Variants in WDR49 observed in about 807,000 individuals in gnomAD.
The protein encoded by WDR49 is cilia- and flagella-associated protein 337.
A neutral mutation model predicts 119.5 loss-of-function variants in WDR49; 107 were observed. The observed-to-expected ratio is 0.90, with a 90% confidence interval of 0.77 to 1.05. WDR49 has a LOEUF of 1.05. Ranked by LOEUF, WDR49 falls within the 50% of genes least tolerant of loss-of-function variation. The pLI, the probability that WDR49 is intolerant of heterozygous loss-of-function variation, is 0.00. For synonymous variants in WDR49, 425 were observed against 418.8 expected, an observed-to-expected ratio of 1.01 and a Z score of -0.18; for missense variants, 1,240 against 1,220.5, an observed-to-expected ratio of 1.02 and a Z score of -0.24.
At chr3:167,542,108 C>T (rs142140751) in intron 10 of WDR49, among the ~76,000 whole-genome samples, 33 of 151,824 alleles carry the variant, frequency 2.2e-4, no homozygotes, top group African/African-American at 4.6e-4. Context: ...AATACATATG[C>T]GCCCAACATG....
chr3:167,535,373 T>C (rs907483605), intron 11 of WDR49, among the ~76,000 whole-genome samples: 1 of 152,066 alleles, frequency 6.6e-6, no homozygotes. Context: ...ATCCAAAATA[T>C]ATAACAAAAT....
At chr3:167,536,769 AT>A (rs1447944652) in intron 11 of WDR49, 100 bp downstream of exon 11, 9 of 678,870 alleles carry the variant, frequency 1.3e-5, no homozygotes, top group Middle Eastern at 5.5e-4. Flanking sequence ...ATATATATAT[AT>A]AAAACAACTG....
At chr3:167,527,717 ACT>A in intron 15 of WDR49, 101 bp downstream of exon 15, 3 of 1,190,532 alleles carry the variant, frequency 2.5e-6, no homozygotes, top group Non-Finnish European at 3.5e-6. Flanking sequence ...TTCTTTCATG[ACT>A]AATGAACATT....
chr3:167,484,145 A>C (rs1750830286), intron 18 of WDR49, among the ~76,000 whole-genome samples: 1 of 152,180 alleles, frequency 6.6e-6, no homozygotes, highest in African/African-American at 2.4e-5. Flanking sequence ...ACAGTTATGA[A>C]GTCAAATATT....
intron 2 of WDR49, among the ~76,000 whole-genome samples, chr3:167,627,709 T>C (rs192870165): frequency 1.3e-5 from 2 of 152,158 alleles, no homozygotes; most frequent in East Asian, 3.9e-4. Flanking sequence ...TAAAACCCAT[T>C]TGGGGCTTCT....
intron 2 of WDR49, among the ~76,000 whole-genome samples, chr3:167,638,653 C>T (rs1445660533): frequency 1.3e-5 from 2 of 151,528 alleles, no homozygotes; most frequent in Admixed American, 1.3e-4. Context: ...TACTAATGAA[C>T]ATTTATGAGA....
At chr3:167,563,352 T>TGA in intron 8 of WDR49, among the ~76,000 whole-genome samples, 1 of 30,326 alleles carries the variant, frequency 3.3e-5, no homozygotes, top group Non-Finnish European at 6.8e-5. Context: ...AGATTCTGAA[T>TGA]CAAAAAAAAA....
chr3:167,518,520 C>T (rs935626229), intron 16 of WDR49, among the ~76,000 whole-genome samples: 3 of 151,964 alleles, frequency 2.0e-5, no homozygotes, highest in Non-Finnish European at 4.4e-5. Flanking sequence ...CTTTTGGCTG[C>T]ATAAATGTCT....
At chr3:167,563,458 A>G (rs1234717926) in intron 8 of WDR49, among the ~76,000 whole-genome samples, 2 of 151,900 alleles carry the variant, frequency 1.3e-5, no homozygotes, top group African/African-American at 4.8e-5. Flanking sequence ...AGGAAGTTGG[A>G]TTACATTCAT....
chr3:167,545,209 T>C (rs1456096022), intron 10 of WDR49, among the ~76,000 whole-genome samples: 1 of 151,568 alleles, frequency 6.6e-6, no homozygotes, highest in African/African-American at 2.4e-5. Flanking sequence ...CATGTTGGCA[T>C]GGACGTGGTG....
intron 16 of WDR49, among the ~76,000 whole-genome samples, chr3:167,511,118 T>C (rs1269647442): frequency 6.6e-6 from 1 of 152,194 alleles, no homozygotes; most frequent in Non-Finnish European, 1.5e-5. Flanking sequence ...TTATTGTGTT[T>C]GTATAATTTC....
In WDR49 at chr3:167,610,025, T is replaced by C. The variant is rs191116799; in HGVS notation, c.959-5557A>G. Reference sequence around the variant, plus strand: ...TGCTAACTGAAGAGCCCTTGTGCCCTGATGCAATATCCAGGTATTATATCA... The same window carrying C: ...TGCTAACTGAAGAGCCCTTGTGCCCCGATGCAATATCCAGGTATTATATCA... On this transcript the variant is annotated intron_variant, in intron 5 of 18. Coordinates refer to ENST00000682715, the MANE Select transcript of WDR49 (RefSeq NM_001366157.1). Among the ~76,000 whole-genome samples the C allele has an allele frequency of 3.3e-3, 505 of 152,332 alleles. 4 individuals are homozygous for C. The highest frequency in any genetic ancestry group is 0.011 in the African/African-American group (475 of 41,574).
intron 7 of WDR49, among the ~76,000 whole-genome samples, chr3:167,592,134 T>G (rs1197128066): frequency 1.3e-5 from 2 of 152,158 alleles, no homozygotes; most frequent in African/African-American, 4.8e-5. Context: ...TTTAAACTGA[T>G]AGCAACTTAA....
At chr3:167,544,682 A>C (rs1285064241) in intron 10 of WDR49, among the ~76,000 whole-genome samples, 3 of 152,106 alleles carry the variant, frequency 2.0e-5, no homozygotes, top group Non-Finnish European at 4.4e-5. Context: ...AACTTACACA[A>C]AAATCAATGC....
At chr3:167,519,042 C>T (rs1752325227) in intron 16 of WDR49, among the ~76,000 whole-genome samples, 1 of 151,994 alleles carries the variant, frequency 6.6e-6, no homozygotes, top group Non-Finnish European at 1.5e-5. Context: ...CATCACTGAT[C>T]ATTAGAGAAA....
At chr3:167,496,678 A>G (rs1751365885) in intron 18 of WDR49, among the ~76,000 whole-genome samples, 1 of 152,160 alleles carries the variant, frequency 6.6e-6, no homozygotes, top group Non-Finnish European at 1.5e-5. Flanking sequence ...AGGTATCTAC[A>G]TATTATCTCT....
chr3:167,607,651 G>T (rs1412497203), intron 5 of WDR49, among the ~76,000 whole-genome samples: 1 of 152,088 alleles, frequency 6.6e-6, no homozygotes, highest in Non-Finnish European at 1.5e-5. Flanking sequence ...CTGTGCTATT[G>T]CCTCCGTCTT....
Position 167,626,855 on chromosome 3 carries a change from G to C in WDR49, c.603C>G (p.Asn201Lys). 8.0e-7 allele frequency: 1 copy of C among 1,249,696 alleles called. No homozygotes were observed. Among genetic ancestry groups the C allele is most frequent in the African/African-American group, 1.5e-5 (1 of 64,888 alleles). 77.4% of individuals were successfully genotyped at this position (1,249,696 alleles called of 1,614,324 possible). The change falls in exon 3 of 19, where the codon AAC becomes AAG. Residue 201 changes from asparagine (N) to lysine (K), a missense_variant. Asn to Lys is a moderately conservative substitution (Grantham distance 94, BLOSUM62 0). Transcript: ENST00000682715. Reference protein sequence around the residue: ...VTSLVSLENVNKIAVAFTSKE... With the variant: ...VTSLVSLENVKKIAVAFTSKE... ...TTTTTTTATAAAGAGTCTGTACCTT[G>C]TTTACATTTTCCAGAGAAACCAGAC...
chr3:167,486,953 A>G (rs928665570), intron 18 of WDR49, among the ~76,000 whole-genome samples: 3 of 152,138 alleles, frequency 2.0e-5, no homozygotes, highest in Admixed American at 2.0e-4. Context: ...CACACAGAAC[A>G]TATTCTAAGA....
Sources: allele counts gnomAD v4.1 joint callset (sites outside exome capture counted in the v4.1 genomes callset), GRCh38; gene constraint gnomAD v4.1.1; transcripts MANE v1.5; gene names NCBI Gene and HGNC (gene_info 2026-07-23, HGNC 2026-07-21).